The following CIT variants were observed in gnomAD, a reference collection of about 807,000 sequenced individuals.
CIT encodes the protein citron Rho-interacting kinase.
A neutral mutation model predicts 272.7 loss-of-function variants in CIT; 79 were observed. The observed-to-expected ratio is 0.29, with a 90% CI of 0.24 to 0.35. CIT has a LOEUF of 0.35. Among genes scored for constraint, CIT ranks in the 10% least tolerant of loss-of-function variants. The pLI is 1.00. For missense variants in CIT, 1,909 were observed against 2,618.3 expected (o/e 0.73, Z 5.91); for synonymous variants, 948 against 995.6 (o/e 0.95, Z 0.90).
At chr12:119,753,332 G>A (rs1008690080) in intron 22 of CIT, among the ~76,000 whole-genome samples, 2 of 152,144 alleles carry the variant, frequency 1.3e-5, no homozygotes, top group Non-Finnish European at 2.9e-5. Context: ...ACATCCCGAA[G>A]CCCATAGGGG....
intron 30 of CIT, among the ~76,000 whole-genome samples, chr12:119,719,574 A>C (rs1022903953): frequency 2.0e-5 from 3 of 152,222 alleles, no homozygotes; most frequent in Admixed American, 1.3e-4. Context: ...CGTGCAGCCA[A>C]CGTCTAGTGG....
intron 7 of CIT, among the ~76,000 whole-genome samples, chr12:119,828,563 CTTAG>C (rs933495382): frequency 6.6e-6 from 1 of 151,430 alleles, no homozygotes; most frequent in South Asian, 2.1e-4. Flanking sequence ...TACTACTTAA[CTTAG>C]TTAATTTTTT....
chr12:119,689,666 CTTTTTTTTTTTTTTTT>C (rs531946559), intron 47 of CIT, among the ~76,000 whole-genome samples: 2 of 75,096 alleles, frequency 2.7e-5, no homozygotes, highest in African/African-American at 4.7e-5. Context: ...TTAGGAAGCT[CTTTTTTTTTTTTTTTT>C]TTTTTTTTTT....
chr12:119,768,454 AT>A lies in CIT; in HGVS notation c.2209-1273del, dbSNP rs144314218. On this transcript the variant is annotated intron_variant, in intron 18 of 47. Transcript: ENST00000392521. The surrounding 1 kb of genome is among the most constrained non-coding windows in gnomAD (Gnocchi z 4.3). ...GAAATTTTTCTTTGAAGTGGAAGCA[AT>A]TATGAGGGTTTTGAAGAATGAGGAA... Among the ~76,000 whole-genome samples, 2,378 of 152,306 alleles carry A rather than the reference AT, an allele frequency of 0.016. 69 individuals carry two copies. The highest frequency in any genetic ancestry group is 0.055 in the African/African-American group (2,286 of 41,566).
At chr12:119,765,127 G>A (rs1038384160) in intron 19 of CIT, among the ~76,000 whole-genome samples, 7 of 151,912 alleles carry the variant, frequency 4.6e-5, no homozygotes, top group Middle Eastern at 3.2e-3. Flanking sequence ...TTCTTAAAAG[G>A]AAAAGAGAGA....
chr12:119,870,939 T>C (rs1455887589), intron 2 of CIT, among the ~76,000 whole-genome samples: 1 of 151,726 alleles, frequency 6.6e-6, no homozygotes, highest in Admixed American at 6.6e-5. Context: ...ACCAACGTGG[T>C]GAAACCCCAT....
intron 26 of CIT, among the ~76,000 whole-genome samples, chr12:119,731,841 CTT>C (rs1344053078): frequency 2.0e-5 from 2 of 98,594 alleles, no homozygotes; most frequent in Non-Finnish European, 4.1e-5. Flanking sequence ...TATATATATA[CTT>C]TTTTTTTTTT....
At chr12:119,779,224 T>C (rs951320724) in intron 13 of CIT, among the ~76,000 whole-genome samples, 3 of 151,848 alleles carry the variant, frequency 2.0e-5, no homozygotes, top group African/African-American at 7.3e-5. Flanking sequence ...TATCTCAAAT[T>C]AATTAATTAA....
rs1197313796 is a variant in CIT, at chr12:119,803,382, G to A, written c.1119C>T (p.Pro373=). 5 of 1,556,300 alleles carry A rather than the reference G, an allele frequency of 3.2e-6. No homozygotes were observed. The highest frequency in any genetic ancestry group is 2.4e-5 in the East Asian group (1 of 42,322). Residue 373 remains proline, a synonymous_variant, in exon 10 of 48, where the codon CCC becomes CCT. Coordinates refer to ENST00000392521, the MANE Select transcript of CIT (RefSeq NM_001206999.2). ...IDWNNIRNSP[P]PFVPTLKSDD... ...CAGACTTGAGGGTGGGAACGAAGGGGGGAGGAGCTGGTTAAAGAAAAACAA... is the reference window on the plus strand; with the variant it reads ...CAGACTTGAGGGTGGGAACGAAGGGAGGAGGAGCTGGTTAAAGAAAAACAA...
intron 25 of CIT, among the ~76,000 whole-genome samples, chr12:119,734,780 G>A (rs929817450): frequency 3.0e-4 from 45 of 151,952 alleles, no homozygotes; most frequent in Non-Finnish European, 1.2e-4. Context: ...GGAACTACTG[G>A]CATGCACCAC....
At chr12:119,796,576 G>A (rs747394105) in intron 10 of CIT, among the ~76,000 whole-genome samples, 6 of 152,196 alleles carry the variant, frequency 3.9e-5, no homozygotes, top group Non-Finnish European at 5.9e-5. Flanking sequence ...GAGTGGGTCT[G>A]TCTATGTAGG....
chr12:119,695,936 T>C (rs1210052735), intron 46 of CIT, among the ~76,000 whole-genome samples: 1 of 152,218 alleles, frequency 6.6e-6, no homozygotes, highest in Non-Finnish European at 1.5e-5. Flanking sequence ...ATAATGACAA[T>C]TTGTAAAAGC....
At chr12:119,696,289 C>T (rs1956218204) in intron 46 of CIT, among the ~76,000 whole-genome samples, 1 of 152,000 alleles carries the variant, frequency 6.6e-6, no homozygotes, top group Non-Finnish European at 1.5e-5. Flanking sequence ...TTTTTTGGAA[C>T]ATGCTTGTTC....
At chr12:119,825,045 C>T in intron 8 of CIT, 120 bp downstream of exon 8, 2 of 737,744 alleles carry the variant, frequency 2.7e-6, no homozygotes, top group Admixed American at 2.6e-5. Context: ...CGTGATCCAC[C>T]CACCTCGGCC....
intron 47 of CIT, among the ~76,000 whole-genome samples, 179 bp from the exon 48 acceptor site, chr12:119,688,434 T>G (rs1271658835): frequency 6.6e-6 from 1 of 152,242 alleles, no homozygotes; most frequent in Non-Finnish European, 1.5e-5. Context: ...TGAAACTCAC[T>G]GGAAAATCCC....
At chr12:119,816,670 G>T (rs1212602148) in intron 9 of CIT, among the ~76,000 whole-genome samples, 1 of 152,180 alleles carries the variant, frequency 6.6e-6, no homozygotes, top group Admixed American at 6.5e-5. Flanking sequence ...GAGTAGCAAG[G>T]TCCTACTGCC....
chr12:119,770,749 T>A lies in CIT; in HGVS notation c.2208+36A>T. ...CCTTCCCTTTGCAAACTCTAACCTG[T>A]TATCTTTTAACTTTGCGACTTTCAT... On this transcript the variant is annotated intron_variant, in intron 18 of 47. Transcript: ENST00000392521. The surrounding 1 kb of genome is among the most constrained non-coding windows in gnomAD (Gnocchi z 4.4). 1 of 1,612,350 alleles carries A rather than the reference T, an allele frequency of 6.2e-7. No homozygotes were observed. Among genetic ancestry groups the A allele is most frequent in the Non-Finnish European group, 8.5e-7 (1 of 1,179,524 alleles).
In CIT at chr12:119,697,989, G is replaced by A. The variant is rs770428023; in HGVS notation, c.5689C>T (p.Arg1897Cys). The A allele has an allele frequency of 2.5e-5, 41 of 1,614,176 alleles. No individual in the cohort carries two copies. Among genetic ancestry groups the A allele is most frequent in the Non-Finnish European group, 3.2e-5 (38 of 1,180,034 alleles). Residue 1897 changes from arginine to cysteine, a missense_variant, in exon 45 of 48, where the codon CGC (arginine) becomes TGC (cysteine). Transcript: ENST00000392521. The surrounding 1 kb of genome is among the most constrained non-coding windows in gnomAD (Gnocchi z 4.9). ...GACAATGCTTACCCTGCTGAGGAGC[G>A]TGCCTGGATCTCAATTACTTCGAGT... ...NSLEVIEIQA[R>C]SSAGTPARAY...
In CIT at chr12:119,784,401, C is replaced by T; in HGVS notation, c.1402-350G>A. On this transcript the variant is annotated intron_variant, in intron 11 of 47. Transcript: ENST00000392521. This position sits in a 1 kb window ranked among gnomAD's most constrained non-coding sequence, Gnocchi z 4.7. ...AATTTTATCCCAAATCCATCTTGAT[C>T]CCCCCCCATCTCCTTGCAAAGATCT... The T allele has an allele frequency of 8.2e-7, 1 of 1,224,386 alleles. No individual in the cohort carries two copies. The highest frequency in any genetic ancestry group is 1.5e-5 in the South Asian group (1 of 66,148). The allele number at this position is 1,224,386 out of a possible 1,614,324, so 75.8% of individuals were successfully genotyped here.
Sources: gnomAD v4.1 joint callset for allele counts (sites outside exome capture counted in the v4.1 genomes callset) on GRCh38, gnomAD v4.1.1 for gene constraint, Gnocchi (gnomAD v3.1) non-coding constraint, MANE v1.5 for transcripts, NCBI Gene and HGNC (gene_info 2026-07-23, HGNC 2026-07-21) for gene names.